BET1: variants seen among roughly 807,000 people sequenced by gnomAD.
The protein encoded by BET1 is BET1 homolog.
In BET1, 9 loss-of-function variants were observed where a neutral mutation model predicts 13.9. That is an observed-to-expected ratio of 0.65 (90% CI 0.39 to 1.13). The LOEUF (loss-of-function observed/expected upper bound fraction) is 1.13, where lower values mean the gene tolerates loss of function less well. BET1 is among the 50% of genes most tolerant of loss of function. BET1 has a pLI of 0.01. For synonymous variants in BET1, 39 were observed against 47.3 expected, an observed-to-expected ratio of 0.82 and a Z score of 0.72; for missense variants, 127 against 133.6, an observed-to-expected ratio of 0.95 and a Z score of 0.24.
intron 4 of BET1, chr7:93,976,151 A>G: frequency 9.0e-7 from 1 of 1,116,444 alleles, no homozygotes; most frequent in Non-Finnish European, 1.1e-6. Context: ...AAAAAACAAA[A>G]CAAAACAACA....
exon 7 of BET1, chr7:93,963,694 C>T (rs1795132949): frequency 1.3e-5 from 2 of 151,998 alleles, no homozygotes; most frequent in South Asian, 2.1e-4. Flanking sequence ...AGAAAAGTCA[C>T]CTGAGCCTGG....
At chr7:93,985,051 A>G (rs1416797277) in intron 4 of BET1, among the ~76,000 whole-genome samples, 1 of 152,136 alleles carries the variant, frequency 6.6e-6, no homozygotes, top group Non-Finnish European at 1.5e-5. Context: ...ATCAGGCTCA[A>G]TTCCTAGCAA....
At chr7:93,987,673 A>G (rs1795552983) in intron 4 of BET1, among the ~76,000 whole-genome samples, 1 of 152,158 alleles carries the variant, frequency 6.6e-6, no homozygotes, top group South Asian at 2.1e-4. Flanking sequence ...AAAGGGAGAG[A>G]AACAGAGTTG....
intron 4 of BET1, among the ~76,000 whole-genome samples, chr7:93,982,848 T>C (rs1254913721): frequency 6.6e-6 from 1 of 152,220 alleles, no homozygotes; most frequent in African/African-American, 2.4e-5. Flanking sequence ...TTGTGCTTAA[T>C]ACTATCAACA....
rs1795837300 is a variant in BET1 at position 93,999,158 on chromosome 7, T to C, written c.144+12A>G. The C allele has an allele frequency of 6.3e-7, 1 of 1,586,462 alleles. No homozygotes were observed. The highest frequency in any genetic ancestry group is 1.3e-5 in the African/African-American group (1 of 74,272). Reference sequence around the variant, plus strand: ...TGAATTAAAACACATATAATATTTGTTATATACTTACAGATTTTATAGCAG... The same window carrying C: ...TGAATTAAAACACATATAATATTTGCTATATACTTACAGATTTTATAGCAG... On this transcript the variant is annotated intron_variant, in intron 2 of 3. Coordinates refer to ENST00000222547, the MANE Select transcript of BET1 (RefSeq NM_005868.6).
intron 4 of BET1, among the ~76,000 whole-genome samples, chr7:93,986,328 A>G (rs560902739): frequency 6.6e-6 from 1 of 152,314 alleles, no homozygotes; most frequent in African/African-American, 2.4e-5. Flanking sequence ...TAAAGAGCTG[A>G]GTTTCTAAGT....
intron 1 of BET1, among the ~76,000 whole-genome samples, chr7:94,001,372 T>C (rs1475730835): frequency 6.6e-6 from 1 of 152,236 alleles, no homozygotes; most frequent in Admixed American, 6.5e-5. Flanking sequence ...AATGGAATCA[T>C]ATGCTTCTCT....
intron 1 of BET1, among the ~76,000 whole-genome samples, chr7:94,003,489 T>G (rs1408595690): frequency 1.3e-5 from 2 of 152,138 alleles, no homozygotes; most frequent in Non-Finnish European, 2.9e-5. Context: ...AAGAGAAAGC[T>G]TCAGAACCAG....
At position 93,994,018 on chromosome 7, in the gene BET1, C is replaced by G. The variant is rs1795700642; in HGVS notation, c.*212G>C. The G allele has an allele frequency of 6.7e-7, 1 of 1,500,886 alleles. No homozygotes were observed. Among genetic ancestry groups the G allele is most frequent in the Non-Finnish European group, 8.8e-7 (1 of 1,132,062 alleles). The allele number at this position is 1,500,886 out of a possible 1,614,324, so 93.0% of individuals were successfully genotyped here. On this transcript the variant is annotated 3_prime_UTR_variant, in exon 4 of 4. Coordinates refer to ENST00000222547, the MANE Select transcript of BET1 (RefSeq NM_005868.6). ...GTGGAGCCACACCCTCTCACTACCC[C>G]TGAAAATAGGGGCTAAAATGAGTCA...
At chr7:93,996,358 A>G (rs1282241151) in intron 2 of BET1, 37 bp from the exon 3 acceptor site, 1 of 1,391,636 alleles carries the variant, frequency 7.2e-7, no homozygotes, top group Non-Finnish European at 9.8e-7. Context: ...TTACTCACAT[A>G]AAAGTATTCA....
At chr7:93,992,725 T>C, downstream of BET1, 1 of 961,202 alleles carries the variant, frequency 1.0e-6, no homozygotes, top group Non-Finnish European at 1.2e-6. Flanking sequence ...ATTTATTGAG[T>C]GATTATCGCA....
At chr7:93,974,137 A>C (rs1795301347) in intron 5 of BET1, among the ~76,000 whole-genome samples, 1 of 152,012 alleles carries the variant, frequency 6.6e-6, no homozygotes, top group African/African-American at 2.4e-5. Context: ...GAAAAGGGAT[A>C]GCTAGAATAA....
rs138343586 is a variant in BET1 at position 93,995,484 on chromosome 7, C to T, written c.201+781G>A. ...CACCATGGTTATGCATCAGAATCAC[C>T]GGAGATGCTTTTTCATGGTTATGCA... On this transcript the variant is annotated intron_variant, in intron 3 of 3. Coordinates refer to ENST00000222547, the MANE Select transcript of BET1 (RefSeq NM_005868.6). Among the ~76,000 whole-genome samples, 61 of 152,118 alleles carry T rather than the reference C, an allele frequency of 4.0e-4. 1 individual carries two copies. Among genetic ancestry groups the T allele is most frequent in the South Asian group, 1.2e-3 (6 of 4,828 alleles).
intron 5 of BET1, among the ~76,000 whole-genome samples, chr7:93,974,071 T>C (rs1428077998): frequency 2.0e-5 from 3 of 151,934 alleles, no homozygotes; most frequent in South Asian, 4.1e-4. Flanking sequence ...CATGCATATA[T>C]TGAAGAAAAT....
chr7:93,986,375 T>C (rs1373430552), intron 4 of BET1, among the ~76,000 whole-genome samples: 4 of 152,184 alleles, frequency 2.6e-5, no homozygotes, highest in Non-Finnish European at 4.4e-5. Context: ...CAAATGAGAA[T>C]GGATTGCCTG....
chr7:93,989,389 C>T (rs202015017), downstream of BET1, among the ~76,000 whole-genome samples: 9 of 151,928 alleles, frequency 5.9e-5, 1 homozygote, highest in East Asian at 1.7e-3. Flanking sequence ...TTTGTAGTTT[C>T]TTTTTTAAAA....
At chr7:93,995,848 A>T (rs1165251087) in intron 3 of BET1, among the ~76,000 whole-genome samples, 1 of 152,162 alleles carries the variant, frequency 6.6e-6, no homozygotes, top group Non-Finnish European at 1.5e-5. Flanking sequence ...CTTTTTTCAT[A>T]AGTGATCCTT....
At chr7:93,975,107 T>A (rs947053751) in intron 5 of BET1, among the ~76,000 whole-genome samples, 4 of 152,012 alleles carry the variant, frequency 2.6e-5, no homozygotes, top group African/African-American at 9.7e-5. Flanking sequence ...GTATCTGATG[T>A]AACAGATCAG....
rs1795704260 is a variant in BET1 at position 93,994,134 on chromosome 7, T to C, written c.*96A>G. On this transcript the variant is annotated 3_prime_UTR_variant, in exon 4 of 4. Coordinates refer to ENST00000222547, the MANE Select transcript of BET1 (RefSeq NM_005868.6). ...CAATTTTCAATGGAAAATGCCACAG[T>C]ATTTGAACACTAGGAATGTTTTGAT... The C allele has an allele frequency of 6.7e-7, 1 of 1,487,308 alleles. No individual in the cohort carries two copies. The highest frequency in any genetic ancestry group is 8.9e-7 in the Non-Finnish European group (1 of 1,124,348). The allele number at this position is 1,487,308 out of a possible 1,614,324, so 92.1% of individuals were successfully genotyped here. A position where few individuals can be genotyped will look rare whatever the true frequency, so the allele number is the denominator to read the frequency against.
Sources: allele counts gnomAD v4.1 joint callset (sites outside exome capture counted in the v4.1 genomes callset), GRCh38; gene constraint gnomAD v4.1.1; transcripts MANE v1.5; gene names NCBI Gene and HGNC (gene_info 2026-07-23, HGNC 2026-07-21).